The following COMMD1 variants were observed in gnomAD, a reference collection of about 807,000 sequenced individuals.
COMMD1 encodes the protein copper metabolism domain containing 1, also known as COMM domain-containing protein 1.
In COMMD1, 10 loss-of-function variants were observed where a neutral mutation model predicts 17.2. The ratio of observed to expected loss-of-function variants is 0.58; its 90% confidence interval spans 0.36 to 0.99. The LOEUF is 0.99. Ranked by LOEUF, COMMD1 falls within the 50% of genes least tolerant of loss-of-function variation. COMMD1 has a pLI of 0.01. For synonymous variants in COMMD1, 97 were observed against 91.6 expected, an observed-to-expected ratio of 1.06 and a Z score of -0.34; for missense variants, 270 against 231.8, an observed-to-expected ratio of 1.17 and a Z score of -1.07.
At chr2:62,023,140 C>T (rs917730273) in intron 2 of COMMD1, among the ~76,000 whole-genome samples, 3 of 151,708 alleles carry the variant, frequency 2.0e-5, no homozygotes, top group East Asian at 3.9e-4. Context: ...ACAGGAGAAT[C>T]GCTTGAACCT....
chr2:61,903,831 C>T (rs1234000677), upstream of COMMD1, among the ~76,000 whole-genome samples: 1 of 152,002 alleles, frequency 6.6e-6, no homozygotes, highest in Non-Finnish European at 1.5e-5. Context: ...CGTGAGCCAC[C>T]ATGCCCGACC....
chr2:62,120,089 T>C (rs944716865), intron 2 of COMMD1, among the ~76,000 whole-genome samples: 1 of 152,192 alleles, frequency 6.6e-6, no homozygotes, highest in African/African-American at 2.4e-5. Context: ...CCTTGACCTC[T>C]GGGCTCAAGC....
chr2:61,973,347 T>C (rs542313528), intron 1 of COMMD1, among the ~76,000 whole-genome samples: 16 of 152,168 alleles, frequency 1.1e-4, no homozygotes, highest in Non-Finnish European at 1.5e-5. Context: ...TCATAGATAA[T>C]CTCCAAAATG....
Position 62,000,771 on chromosome 2 carries a change from G to T in COMMD1, c.251G>T (p.Gly84Val). 1 of 1,614,160 alleles carries T rather than the reference G, an allele frequency of 6.2e-7. No individual in the cohort carries two copies. Among genetic ancestry groups the T allele is most frequent in the South Asian group, 1.1e-5 (1 of 91,084 alleles). ...AFLTAQTKKQ[G>V]GITSDQAAVI... Reference sequence around the variant, plus strand: ...TTGACTGCTCAAACCAAAAAGCAAGGTGGGATCACATCTGACCAAGCTGCT... The same window carrying T: ...TTGACTGCTCAAACCAAAAAGCAAGTTGGGATCACATCTGACCAAGCTGCT... The change falls in exon 2 of 3, where the codon GGT becomes GTT. Residue 84 changes from glycine (G) to valine (V), a missense_variant. By Grantham distance (109) the Gly-to-Val change is moderately radical (BLOSUM62 -3). Coordinates refer to ENST00000311832, the MANE Select transcript of COMMD1 (RefSeq NM_152516.4).
chr2:62,089,970 CTGGT>C (rs1671776872), intron 2 of COMMD1, among the ~76,000 whole-genome samples: 1 of 152,100 alleles, frequency 6.6e-6, no homozygotes, highest in Admixed American at 6.5e-5. Context: ...CTAGAGTAGT[CTGGT>C]TGGTAGCAGT....
chr2:61,939,379 T>C (rs1250284519), intron 1 of COMMD1, among the ~76,000 whole-genome samples: 1 of 150,262 alleles, frequency 6.7e-6, no homozygotes, highest in African/African-American at 2.5e-5. Flanking sequence ...GGCAAGAGAA[T>C]GGTGTGAACC....
At chr2:62,015,329 C>T (rs996103486) in intron 2 of COMMD1, among the ~76,000 whole-genome samples, 7 of 152,232 alleles carry the variant, frequency 4.6e-5, no homozygotes, top group Middle Eastern at 3.4e-3. Flanking sequence ...CAACTTTTAT[C>T]GTTGTTGTAG....
intron 1 of COMMD1, among the ~76,000 whole-genome samples, chr2:61,960,420 A>AGG (rs897905479): frequency 5.3e-5 from 8 of 152,202 alleles, no homozygotes; most frequent in African/African-American, 1.9e-4. Flanking sequence ...ACCAACAAGA[A>AGG]GGAGTATACT....
chr2:61,924,622 G>A (rs928442627), intron 1 of COMMD1, among the ~76,000 whole-genome samples: 5 of 152,168 alleles, frequency 3.3e-5, no homozygotes, highest in African/African-American at 1.2e-4. Flanking sequence ...GGCAGTTACA[G>A]TGAGTGAAGA....
rs112705211 is a variant in COMMD1, at chr2:62,026,277, C to G, written c.462+25295C>G. Among the ~76,000 whole-genome samples the G allele has an allele frequency of 4.0e-3, 604 of 152,290 alleles. 9 individuals are homozygous for G. The highest frequency in any genetic ancestry group is 0.014 in the African/African-American group (593 of 41,566). ...GGCTGTACAGGAAGCATGGTGCTAG[C>G]ATTTGCTTGGCTTCTAGGGAGGCTT... On this transcript the variant is annotated intron_variant, in intron 2 of 2. Transcript: ENST00000311832.
chr2:62,130,162 AAAAAAAACAAAC>A lies in COMMD1; in HGVS notation c.463-5654_463-5643del, dbSNP rs1312417958. 4.3e-4 allele frequency among the ~76,000 whole-genome samples: 65 copies of A among 151,814 alleles called. No homozygotes were observed. In the East Asian group the frequency reaches 8.9e-3, roughly 21 times the overall value. The stretch of plus-strand genomic sequence containing the variant: ...TGAGCGAGACTCTGTCTCAAAAAAA[AAAAAAAACAAAC>A]AAAAAAACAAACAAGAGTCCCTTTG... On this transcript the variant is annotated intron_variant, in intron 2 of 2. Transcript: ENST00000311832.
intron 2 of COMMD1, among the ~76,000 whole-genome samples, chr2:62,021,123 A>G (rs761933359): frequency 6.6e-6 from 1 of 152,194 alleles, no homozygotes; most frequent in Non-Finnish European, 1.5e-5. Flanking sequence ...GGATCTCACC[A>G]AGGTTGAATT....
chr2:62,131,446 A>T (rs1673031065), intron 2 of COMMD1, among the ~76,000 whole-genome samples: 1 of 152,326 alleles, frequency 6.6e-6, no homozygotes, highest in East Asian at 1.9e-4. Flanking sequence ...AGTGTTTCAG[A>T]TTGCTCTTGT....
intron 2 of COMMD1, among the ~76,000 whole-genome samples, chr2:62,074,651 A>C (rs551884205): frequency 1.3e-5 from 2 of 152,136 alleles, no homozygotes; most frequent in Non-Finnish European, 2.9e-5. Flanking sequence ...TGTCTTCTCT[A>C]TCTTGTCTAT....
intron 2 of COMMD1, among the ~76,000 whole-genome samples, chr2:62,038,574 G>A (rs895841471): frequency 6.6e-6 from 1 of 151,824 alleles, no homozygotes; most frequent in African/African-American, 2.4e-5. Context: ...TTGAGACGGA[G>A]TCTTGCTCTG....
At chr2:62,076,592 C>CA (rs1374499384) in intron 2 of COMMD1, among the ~76,000 whole-genome samples, 1 of 152,006 alleles carries the variant, frequency 6.6e-6, no homozygotes, top group Non-Finnish European at 1.5e-5. Flanking sequence ...ACTAAAAACA[C>CA]AAAAACTAGC....
chr2:61,914,127 G>A (rs1194035155), intron 1 of COMMD1, among the ~76,000 whole-genome samples: 8 of 152,016 alleles, frequency 5.3e-5, no homozygotes, highest in African/African-American at 1.9e-4. Context: ...AGCGGAGATT[G>A]CGCCACTGCA....
At chr2:62,121,818 A>C (rs1482345368) in intron 2 of COMMD1, among the ~76,000 whole-genome samples, 2 of 151,958 alleles carry the variant, frequency 1.3e-5, no homozygotes, top group Non-Finnish European at 2.9e-5. Context: ...TTGAGACAGG[A>C]TCTCACTCTG....
At chr2:62,060,665 G>GT (rs898677103) in intron 2 of COMMD1, among the ~76,000 whole-genome samples, 3 of 152,156 alleles carry the variant, frequency 2.0e-5, no homozygotes, top group Non-Finnish European at 1.5e-5. Context: ...GTGCAGGTAT[G>GT]TTGGGCAGGG....
Sources: gnomAD v4.1 joint callset for allele counts (sites outside exome capture counted in the v4.1 genomes callset) on GRCh38, gnomAD v4.1.1 for gene constraint, MANE v1.5 for transcripts, NCBI Gene and HGNC (gene_info 2026-07-23, HGNC 2026-07-21) for gene names.